The following MACROD2 variants were observed in gnomAD, a reference collection of about 807,000 sequenced individuals.
MACROD2 encodes mono-ADP ribosylhydrolase 2.
Under a neutral mutation model 70.4 loss-of-function variants are expected in MACROD2, and 36 were observed. The ratio of observed to expected loss-of-function variants is 0.51; its 90% CI spans 0.39 to 0.68. The LOEUF is 0.68. Among genes scored for constraint, MACROD2 ranks in the 30% least tolerant of loss-of-function variants. The pLI is 0.00. For missense variants in MACROD2, 496 were observed against 538.4 expected, an observed-to-expected ratio of 0.92 and a Z score of 0.78; for synonymous variants, 172 against 178.8, an observed-to-expected ratio of 0.96 and a Z score of 0.30.
chr20:14,788,390 G>A (rs1374044523), intron 5 of MACROD2, among the ~76,000 whole-genome samples: 1 of 151,898 alleles, frequency 6.6e-6, no homozygotes, highest in East Asian at 1.9e-4. Context: ...TTCAAGAGCA[G>A]CCTGGGCAAC....
intron 8 of MACROD2, among the ~76,000 whole-genome samples, chr20:15,662,563 G>C (rs753528640): frequency 2.2e-4 from 33 of 152,158 alleles, no homozygotes; most frequent in Non-Finnish European, 1.5e-4. Flanking sequence ...GGGAGAAAAT[G>C]CTACTTCTTC....
At chr20:14,036,883 A>G (rs1390134085) in intron 2 of MACROD2, among the ~76,000 whole-genome samples, 1 of 152,222 alleles carries the variant, frequency 6.6e-6, no homozygotes, top group Non-Finnish European at 1.5e-5. Flanking sequence ...GACCATGTTG[A>G]TTATTCAGCA....
intron 5 of MACROD2, among the ~76,000 whole-genome samples, chr20:14,853,852 A>G (rs2073225215): frequency 6.6e-6 from 1 of 152,106 alleles, no homozygotes; most frequent in Non-Finnish European, 1.5e-5. Flanking sequence ...TGGAAGTGGG[A>G]AAAGTAACAA....
At chr20:14,895,957 T>C (rs1325859334) in intron 5 of MACROD2, among the ~76,000 whole-genome samples, 1 of 152,222 alleles carries the variant, frequency 6.6e-6, no homozygotes, top group Non-Finnish European at 1.5e-5. Flanking sequence ...TATGTTTCTC[T>C]TTAACACAAG....
intron 5 of MACROD2, among the ~76,000 whole-genome samples, chr20:15,188,822 T>C (rs987020627): frequency 2.6e-5 from 4 of 152,118 alleles, no homozygotes; most frequent in African/African-American, 7.2e-5. Flanking sequence ...CCCCCTAAAA[T>C]AGTAAGAACT....
At chr20:15,334,307 T>C (rs1051941516) in intron 6 of MACROD2, among the ~76,000 whole-genome samples, 10 of 129,314 alleles carry the variant, frequency 7.7e-5, no homozygotes, top group African/African-American at 2.1e-4. Context: ...TAGAGTTCCA[T>C]TGGCCAATAA....
chr20:15,242,690 GA>G (rs1319535952), intron 6 of MACROD2, among the ~76,000 whole-genome samples: 12 of 152,154 alleles, frequency 7.9e-5, no homozygotes, highest in African/African-American at 2.4e-4. Context: ...AAATGACCAA[GA>G]AACAGGATCT....
intron 4 of MACROD2, among the ~76,000 whole-genome samples, chr20:14,624,791 GAAGGAAAA>G (rs1338172333): frequency 4.6e-5 from 7 of 152,116 alleles, no homozygotes; most frequent in African/African-American, 1.7e-4. Context: ...AGTTGATAAA[GAAGGAAAA>G]AGTATGAGCT....
chr20:14,760,201 C>T (rs867477030), intron 5 of MACROD2, among the ~76,000 whole-genome samples: 5 of 151,998 alleles, frequency 3.3e-5, no homozygotes, highest in Admixed American at 6.6e-5. Flanking sequence ...CGTTTCCTGT[C>T]GGGCTGGGGG....
chr20:15,345,960 T>C (rs933385568), intron 6 of MACROD2, among the ~76,000 whole-genome samples: 4 of 152,152 alleles, frequency 2.6e-5, no homozygotes, highest in African/African-American at 9.7e-5. Context: ...CCTAGATTCC[T>C]GGAGATGATG....
chr20:15,710,145 A>G (rs2050603118), intron 8 of MACROD2, among the ~76,000 whole-genome samples: 1 of 149,902 alleles, frequency 6.7e-6, no homozygotes, highest in South Asian at 2.1e-4. Context: ...ACTCAAAACC[A>G]CAATGAGGTA....
At position 15,925,562 on chromosome 20, in the gene MACROD2, C is replaced by A. The variant is rs559127191; in HGVS notation, c.776-7714C>A. Among the ~76,000 whole-genome samples the A allele has an allele frequency of 2.7e-4, 41 of 152,266 alleles. 1 individual carries two copies. Among genetic ancestry groups the A allele is most frequent in the African/African-American group, 8.2e-4 (34 of 41,540 alleles). On this transcript the variant is annotated intron_variant, in intron 10 of 17. Coordinates refer to ENST00000684519, the MANE Select transcript of MACROD2 (RefSeq NM_001351661.2). Reference sequence around the variant, plus strand: ...ATTTTTATATCAAGATATGCCACGGCAAGTTTTGGTACGCTTGGGTCATAC... The same window carrying A: ...ATTTTTATATCAAGATATGCCACGGAAAGTTTTGGTACGCTTGGGTCATAC...
intron 8 of MACROD2, among the ~76,000 whole-genome samples, chr20:15,510,598 G>A (rs1392553426): frequency 1.3e-5 from 2 of 152,156 alleles, no homozygotes; most frequent in African/African-American, 2.4e-5. Context: ...CTCTAATCAC[G>A]TCTAGGCAAA....
intron 5 of MACROD2, among the ~76,000 whole-genome samples, chr20:14,985,471 G>A (rs2074840012): frequency 6.6e-6 from 1 of 152,126 alleles, no homozygotes; most frequent in South Asian, 2.1e-4. Flanking sequence ...GCAGTGGGGT[G>A]TGTAGAGGAA....
chr20:15,107,060 T>C (rs1310663049), intron 5 of MACROD2, among the ~76,000 whole-genome samples: 1 of 127,444 alleles, frequency 7.8e-6, no homozygotes, highest in Non-Finnish European at 1.6e-5. Flanking sequence ...TGTTCTGTAA[T>C]TCATAACATT....
At chr20:15,036,690 A>G (rs192907925) in intron 5 of MACROD2, among the ~76,000 whole-genome samples, 35 of 152,228 alleles carry the variant, frequency 2.3e-4, no homozygotes, top group African/African-American at 7.2e-4. Flanking sequence ...GTTTAACTGC[A>G]CAAAAACTCA....
chr20:14,055,533 A>G (rs922764652), intron 2 of MACROD2, among the ~76,000 whole-genome samples: 4 of 151,190 alleles, frequency 2.6e-5, no homozygotes, highest in Admixed American at 6.6e-5. Flanking sequence ...AAATACATAT[A>G]TATACACATT....
rs141025312 is a variant in MACROD2, at chr20:15,402,350, T to G, written c.541-29055T>G. The stretch of plus-strand genomic sequence containing the variant: ...CTGCCTAAATAGTAAGCATGCTGAC[T>G]GGCAAGAATTAGAACTATAATAAAT... On this transcript the variant is annotated intron_variant, in intron 6 of 17. Transcript: ENST00000684519. 6.6e-5 allele frequency among the ~76,000 whole-genome samples: 10 copies of G among 152,342 alleles called. No homozygotes were observed. In the East Asian group the frequency reaches 1.9e-3, roughly 29 times the overall value.
At chr20:14,388,550 A>G (rs1251704967) in intron 3 of MACROD2, among the ~76,000 whole-genome samples, 2 of 152,204 alleles carry the variant, frequency 1.3e-5, no homozygotes, top group African/African-American at 2.4e-5. Context: ...AAGTGAAACA[A>G]AATATCACAA....
Sources: gnomAD v4.1 joint callset for allele counts (sites outside exome capture counted in the v4.1 genomes callset) on GRCh38, gnomAD v4.1.1 for gene constraint, MANE v1.5 for transcripts, NCBI Gene and HGNC (gene_info 2026-07-23, HGNC 2026-07-21) for gene names.